Variants in CCL19 observed in about 807,000 individuals in gnomAD.
CCL19 encodes the protein C-C motif chemokine 19.
CCL19 carries 5 observed loss-of-function variants against 9.7 expected under a neutral mutation model. The ratio of observed to expected loss-of-function variants is 0.51; its 90% CI spans 0.27 to 1.08. The LOEUF is 1.08. Among genes scored for constraint, CCL19 ranks in the 50% least tolerant of loss-of-function variants. The probability of loss-of-function intolerance (pLI) is 0.12; values close to 1 mark genes in which losing one functional copy is unlikely to be tolerated. For missense variants in CCL19, 90 were observed against 122.5 expected (o/e 0.73, Z 1.25); for synonymous variants, 40 against 47.4 (o/e 0.84, Z 0.64).
At chr9:34,691,029 C>G (rs1821786444) in intron 1 of CCL19, 62 bp downstream of exon 1, 1 of 1,413,822 alleles carries the variant, frequency 7.1e-7, no homozygotes, top group African/African-American at 1.4e-5. Context: ...AATCTGAGAT[C>G]TAGACATTAC....
Position 34,691,005 on chromosome 9 carries a change from G to A in CCL19, c.49+86C>T, listed in dbSNP as rs551544299. On this transcript the variant is annotated intron_variant, in intron 1 of 3. Transcript: ENST00000311925. ...TGCCTGAACTCACCATGTCCCTTAC[G>A]TCCAGTGCCAAGCAATCTGAGATCT... 7.9e-5 allele frequency: 95 copies of A among 1,209,684 alleles called. 1 individual carries two copies. The Admixed American group carries it at 1.8e-3, about 23-fold the overall frequency. 74.9% of individuals were successfully genotyped at this position (1,209,684 alleles called of 1,614,324 possible).
In CCL19 at chr9:34,690,324, G is replaced by A. The variant is rs1284512484; in HGVS notation, c.68C>T (p.Thr23Ile). Residue 23 changes from threonine (T) to isoleucine (I), a missense_variant, in exon 2 of 4, where the codon ACC (threonine) becomes ATC (isoleucine). By Grantham distance (89) the Thr-to-Ile change is moderately conservative. Coordinates refer to ENST00000311925, the MANE Select transcript of CCL19 (RefSeq NM_006274.3). ...CAGGCAGCAGTCTTCAGCATCATTG[G>A]TGCCACTCAGAGTTGGGGCTGGGAT... ...WTSPAPTLSG[T>I]NDAEDCCLSV... 6.2e-7 allele frequency: 1 copy of A among 1,613,954 alleles called. No homozygotes were observed. Among genetic ancestry groups the A allele is most frequent in the Non-Finnish European group, 8.5e-7 (1 of 1,179,972 alleles).
Position 34,690,988 on chromosome 9 carries a change from C to T in CCL19, c.49+103G>A, listed in dbSNP as rs924406376. The T allele has an allele frequency of 2.9e-6, 3 of 1,028,952 alleles. No homozygotes were observed. The Admixed American group carries it at 7.3e-5, about 25-fold the overall frequency. The allele number at this position is 1,028,952 out of a possible 1,614,324, so 63.7% of individuals were successfully genotyped here. ...ATACAGACCTAAGCATTTGCCTGAA[C>T]TCACCATGTCCCTTACGTCCAGTGC... On this transcript the variant is annotated intron_variant, in intron 1 of 3. Transcript: ENST00000311925.
intron 2 of CCL19, 31 bp from the exon 3 acceptor site, chr9:34,690,054 C>G (rs1224624728): frequency 1.2e-6 from 2 of 1,608,144 alleles, no homozygotes; most frequent in East Asian, 2.2e-5. Flanking sequence ...GAATGGAGCC[C>G]CAGAATCCAG....
At chr9:34,690,384 A>G in intron 1 of CCL19, 42 bp from the exon 2 acceptor site, 16 of 1,596,000 alleles carry the variant, frequency 1.0e-5, no homozygotes, top group Non-Finnish European at 1.4e-5. Context: ...GGGACCCTTG[A>G]GGGTGGCATG....
chr9:34,689,852 G>A lies in CCL19; in HGVS notation c.277-13C>T. 1 of 1,614,182 alleles carries A rather than the reference G, an allele frequency of 6.2e-7. No individual in the cohort carries two copies. Among genetic ancestry groups the A allele is most frequent in the Non-Finnish European group, 8.5e-7 (1 of 1,180,016 alleles). ...TGCGGCGCTTCATCTAGAGGAGGAA[G>A]GAGAGGAAGGATCATGGGCTGGAAT... On this transcript the variant is annotated splice_polypyrimidine_tract_variant and intron_variant, in intron 3 of 3. Coordinates refer to ENST00000311925, the MANE Select transcript of CCL19 (RefSeq NM_006274.3). This position sits in a 1 kb window ranked among gnomAD's most constrained non-coding sequence, Gnocchi z 4.1.
chr9:34,690,054 C>A (rs1224624728), intron 2 of CCL19, 31 bp from the exon 3 acceptor site: 1 of 1,608,144 alleles, frequency 6.2e-7, no homozygotes, highest in Non-Finnish European at 8.5e-7. Flanking sequence ...GAATGGAGCC[C>A]CAGAATCCAG....
Position 34,691,166 on chromosome 9 carries a change from G to A in CCL19, c.-27C>T. 1.9e-6 allele frequency: 3 copies of A among 1,610,380 alleles called. No homozygotes were observed. The highest frequency in any genetic ancestry group is 2.5e-6 in the Non-Finnish European group (3 of 1,177,646). On this transcript the variant is annotated 5_prime_UTR_variant, in exon 1 of 4. Coordinates refer to ENST00000311925, the MANE Select transcript of CCL19 (RefSeq NM_006274.3). ...GAGGGTGAACAGAGGCAGGCCAACG[G>A]TGAATGTGTGAGCGCCAGCTGTCTG...
chr9:34,689,698 G>A lies in CCL19; in HGVS notation c.*121C>T, dbSNP rs2227302. On this transcript the variant is annotated 3_prime_UTR_variant, in exon 4 of 4. Transcript: ENST00000311925. This position sits in a 1 kb window ranked among gnomAD's most constrained non-coding sequence, Gnocchi z 4.1. ...CACACCCCAGGCCCTGTCCTGGCTG[G>A]TCAGGTCTGGTGCAGAGGAGCTGGA... The A allele has an allele frequency of 8.8e-3, 10,205 of 1,161,082 alleles. 521 individuals are homozygous for A. The East Asian group carries it at 0.094, about 11-fold the overall frequency. The allele number at this position is 1,161,082 out of a possible 1,614,324, so 71.9% of individuals were successfully genotyped here.
At position 34,690,036 on chromosome 9, in the gene CCL19, G is replaced by T. The variant is rs377119407; in HGVS notation, c.183-13C>A. On this transcript the variant is annotated splice_polypyrimidine_tract_variant and intron_variant, in intron 2 of 3. Coordinates refer to ENST00000311925, the MANE Select transcript of CCL19 (RefSeq NM_006274.3). ...CAGTGTGGTGAACCTGGGGTGAGAG[G>T]CCGGAGAGAATGGAGCCCCAGAATC... 10 of 1,612,332 alleles carry T rather than the reference G, an allele frequency of 6.2e-6. No individual in the cohort carries two copies. Among genetic ancestry groups the T allele is most frequent in the African/African-American group, 2.7e-5 (2 of 74,876 alleles).
At position 34,689,726 on chromosome 9, in the gene CCL19, C is replaced by T; in HGVS notation, c.*93G>A. ...AGGTCTGGTGCAGAGGAGCTGGAAG[C>T]CTGGTCCTTCCTTCTGGTCCTCGGT... is the stretch of plus-strand genomic sequence containing the variant. On this transcript the variant is annotated 3_prime_UTR_variant, in exon 4 of 4. Transcript: ENST00000311925. The surrounding 1 kb of genome is among the most constrained non-coding windows in gnomAD (Gnocchi z 4.1). 1 of 1,468,634 alleles carries T rather than the reference C, an allele frequency of 6.8e-7. No homozygotes were observed. Among genetic ancestry groups the T allele is most frequent in the Non-Finnish European group, 9.5e-7 (1 of 1,057,204 alleles). 91.0% of individuals were successfully genotyped at this position (1,468,634 alleles called of 1,614,324 possible).
Position 34,689,838 on chromosome 9 carries a change from A to T in CCL19, c.278T>A (p.Met93Lys). Residue 93 changes from methionine to lysine, a missense_variant and splice_region_variant, in exon 4 of 4, where the codon ATG becomes AAG. Transcript: ENST00000311925. The surrounding 1 kb of genome is among the most constrained non-coding windows in gnomAD (Gnocchi z 4.1). ...CATAGGTTAACTGCTGCGGCGCTTCATCTAGAGGAGGAAGGAGAGGAAGGA... is the reference window on the plus strand; with the variant it reads ...CATAGGTTAACTGCTGCGGCGCTTCTTCTAGAGGAGGAAGGAGAGGAAGGA... The part of the protein sequence containing the change: ...IQRLQRTSAK[M>K]KRRSS 3 of 1,614,162 alleles carry T rather than the reference A, an allele frequency of 1.9e-6. No homozygotes were observed. In the South Asian group the frequency reaches 3.3e-5, roughly 18 times the overall value.
intron 1 of CCL19, 135 bp from the exon 2 acceptor site, chr9:34,690,477 G>A: frequency 1.3e-6 from 1 of 759,758 alleles, no homozygotes; most frequent in Non-Finnish European, 2.1e-6. Flanking sequence ...TGTCTGGTGG[G>A]GTCGGGGAGG....
rs773184404 is a variant in CCL19 at position 34,689,962 on chromosome 9, T to C, written c.244A>G (p.Ile82Val). The C allele has an allele frequency of 6.2e-7, 1 of 1,614,042 alleles. No homozygotes were observed. Among genetic ancestry groups the C allele is most frequent in the Non-Finnish European group, 8.5e-7 (1 of 1,179,990 alleles). Residue 82 changes from isoleucine to valine, a missense_variant, in exon 3 of 4, where the codon ATC becomes GTC. Coordinates refer to ENST00000311925, the MANE Select transcript of CCL19 (RefSeq NM_006274.3). The surrounding 1 kb of genome is among the most constrained non-coding windows in gnomAD (Gnocchi z 4.1). Reference protein sequence around the residue: ...APPDQPWVERIIQRLQRTSAK... With the variant: ...APPDQPWVERVIQRLQRTSAK... ...GAGGTCCTCTGCAGTCTCTGGATGA[T>C]GCGTTCTACCCAGGGCTGGTCTGGG...
intron 1 of CCL19, 82 bp from the exon 2 acceptor site, chr9:34,690,424 C>CTG (rs74180568): frequency 0.27 from 161,852 of 599,490 alleles, 11,056 homozygotes; most frequent in East Asian, 0.38. Flanking sequence ...TTGAGGACAC[C>CTG]TGTGTGTGTG....
Position 34,689,869 on chromosome 9 carries a change from G to A in CCL19, c.277-30C>T, listed in dbSNP as rs752166358. On this transcript the variant is annotated intron_variant, in intron 3 of 3. Coordinates refer to ENST00000311925, the MANE Select transcript of CCL19 (RefSeq NM_006274.3). The surrounding 1 kb of genome is among the most constrained non-coding windows in gnomAD (Gnocchi z 4.1). ...AGGAGGAAGGAGAGGAAGGATCATG[G>A]GCTGGAATCTTAGACAGGAGCTCAG... is the stretch of plus-strand genomic sequence containing the variant. The A allele has an allele frequency of 1.2e-6, 2 of 1,614,178 alleles. No homozygotes were observed. Among genetic ancestry groups the A allele is most frequent in the East Asian group, 2.2e-5 (1 of 44,880 alleles).
chr9:34,690,281 G>C lies in CCL19; in HGVS notation c.111C>G (p.Pro37=). The change falls in exon 2 of 4, where the codon CCC becomes CCG. Residue 37 remains proline (P), a synonymous_variant. Coordinates refer to ENST00000311925, the MANE Select transcript of CCL19 (RefSeq NM_006274.3). ...AGTTCCTCACGATGTACCCAGGGAT[G>C]GGTTTCTGGGTCACAGACAGGCAGC... The part of the protein sequence containing the change: ...EDCCLSVTQK[P]IPGYIVRNFH... The C allele has an allele frequency of 6.2e-7, 1 of 1,613,748 alleles. No homozygotes were observed. The highest frequency in any genetic ancestry group is 8.5e-7 in the Non-Finnish European group (1 of 1,179,666).
chr9:34,690,925 C>T lies in CCL19; in HGVS notation c.49+166G>A, dbSNP rs542320992. On this transcript the variant is annotated intron_variant, in intron 1 of 3. Coordinates refer to ENST00000311925, the MANE Select transcript of CCL19 (RefSeq NM_006274.3). ...AGGGGCACAGGGACACCCACACTTA[C>T]AGGCACACATGCAGGGACCTGCCAG... 7.9e-5 allele frequency among the ~76,000 whole-genome samples: 12 copies of T among 152,308 alleles called. No individual in the cohort carries two copies. In the East Asian group the frequency reaches 2.1e-3, roughly 27 times the overall value.
chr9:34,690,584 C>T (rs551343181), intron 1 of CCL19, among the ~76,000 whole-genome samples: 1 of 152,064 alleles, frequency 6.6e-6, no homozygotes, highest in South Asian at 2.1e-4. Context: ...TTGTAAATAA[C>T]CACTGCCCTG....
Sources: allele counts gnomAD v4.1 joint callset (sites outside exome capture counted in the v4.1 genomes callset), GRCh38; gene constraint gnomAD v4.1.1; non-coding constraint Gnocchi (gnomAD v3.1); transcripts MANE v1.5; gene names NCBI Gene and HGNC (gene_info 2026-07-23, HGNC 2026-07-21).